Variants in MACROD2 observed in about 807,000 individuals in gnomAD.
MACROD2 encodes the protein mono-ADP ribosylhydrolase 2.
Under a neutral mutation model 70.4 loss-of-function variants are expected in MACROD2, and 36 were observed. That is an observed-to-expected ratio of 0.51 (90% CI 0.39 to 0.68). MACROD2 has a LOEUF of 0.68. Ranked by LOEUF, MACROD2 falls within the 30% of genes least tolerant of loss-of-function variation. The pLI is 0.00. For missense variants in MACROD2, 496 were observed against 538.4 expected (o/e 0.92, Z 0.78); for synonymous variants, 172 against 178.8 (o/e 0.96, Z 0.30).
intron 3 of MACROD2, among the ~76,000 whole-genome samples, chr20:14,290,740 C>T (rs2082379677): frequency 6.6e-6 from 1 of 152,218 alleles, no homozygotes; most frequent in Non-Finnish European, 1.5e-5. Flanking sequence ...AACTCCCGAC[C>T]TCAGTTGATC....
At chr20:14,416,575 T>C (rs2122881159) in intron 3 of MACROD2, among the ~76,000 whole-genome samples, 1 of 152,306 alleles carries the variant, frequency 6.6e-6, no homozygotes, top group East Asian at 1.9e-4. Context: ...GTCTCTTTGT[T>C]TAAACAGAAA....
chr20:15,177,629 A>C (rs1054737871), intron 5 of MACROD2, among the ~76,000 whole-genome samples: 2 of 152,176 alleles, frequency 1.3e-5, no homozygotes, highest in African/African-American at 2.4e-5. Context: ...TTCTATGTTG[A>C]GGGTTTCACT....
chr20:14,315,572 A>C (rs1460165225), intron 3 of MACROD2, among the ~76,000 whole-genome samples: 1 of 152,192 alleles, frequency 6.6e-6, no homozygotes, highest in Non-Finnish European at 1.5e-5. Context: ...CATAAGCAAA[A>C]TATTAAATAT....
intron 8 of MACROD2, among the ~76,000 whole-genome samples, chr20:15,702,661 T>A (rs2050477022): frequency 6.6e-6 from 1 of 152,244 alleles, no homozygotes; most frequent in South Asian, 2.1e-4. Flanking sequence ...GTCAAGAGGC[T>A]TTTTAGTTTA....
intron 3 of MACROD2, among the ~76,000 whole-genome samples, chr20:14,277,054 G>A (rs902890982): frequency 3.9e-5 from 6 of 152,052 alleles, no homozygotes; most frequent in African/African-American, 7.2e-5. Context: ...GGTAGCTCAC[G>A]CCTGTAGTGC....
chr20:14,369,513 C>T (rs762911438), intron 3 of MACROD2, among the ~76,000 whole-genome samples: 2 of 151,974 alleles, frequency 1.3e-5, no homozygotes, highest in Non-Finnish European at 2.9e-5. Context: ...TGCTATCAAC[C>T]TGCCTATTTT....
intron 3 of MACROD2, among the ~76,000 whole-genome samples, chr20:14,148,960 CTT>C (rs2054977643): frequency 6.6e-6 from 1 of 152,102 alleles, no homozygotes; most frequent in South Asian, 2.1e-4. Flanking sequence ...ACATAGCACA[CTT>C]TTCTGCTGTT....
chr20:14,282,879 C>T (rs2082317346), intron 3 of MACROD2, among the ~76,000 whole-genome samples: 1 of 152,198 alleles, frequency 6.6e-6, no homozygotes, highest in South Asian at 2.1e-4. Context: ...CCAAACACTT[C>T]CCACTAGGCC....
chr20:14,616,510 C>T (rs1278191533), intron 4 of MACROD2, among the ~76,000 whole-genome samples: 1 of 152,040 alleles, frequency 6.6e-6, no homozygotes, highest in African/African-American at 2.4e-5. Context: ...TTCTGAGCCC[C>T]TGGAAATGAT....
At chr20:14,933,637 TA>T (rs11481730) in intron 5 of MACROD2, among the ~76,000 whole-genome samples, 12 of 147,680 alleles carry the variant, frequency 8.1e-5, no homozygotes, top group Non-Finnish European at 9.0e-5. Context: ...CTCAAAAAAA[TA>T]AAAAAAAAAA....
intron 5 of MACROD2, among the ~76,000 whole-genome samples, chr20:14,807,045 G>A (rs1467653706): frequency 6.6e-6 from 1 of 152,126 alleles, no homozygotes; most frequent in African/African-American, 2.4e-5. Flanking sequence ...CTTCCTGCCT[G>A]CTCTGAAGAG....
chr20:15,596,054 C>T (rs1568918465), intron 8 of MACROD2, among the ~76,000 whole-genome samples: 1 of 152,196 alleles, frequency 6.6e-6, no homozygotes. Context: ...AGATGTCATA[C>T]ATAGGAAGCT....
At chr20:15,843,614 A>G (rs938800362) in intron 8 of MACROD2, among the ~76,000 whole-genome samples, 2 of 152,178 alleles carry the variant, frequency 1.3e-5, no homozygotes, top group Non-Finnish European at 2.9e-5. Context: ...TATTTAGGAT[A>G]ATTTCTGAAG....
intron 5 of MACROD2, among the ~76,000 whole-genome samples, chr20:14,740,016 T>C (rs1428251166): frequency 2.0e-5 from 3 of 152,070 alleles, no homozygotes; most frequent in Admixed American, 2.0e-4. Flanking sequence ...GAGAAAGAAC[T>C]GGAAGGATAT....
intron 5 of MACROD2, among the ~76,000 whole-genome samples, chr20:15,190,853 A>G (rs1487500459): frequency 6.6e-6 from 1 of 152,112 alleles, no homozygotes. Flanking sequence ...TGGGATAATT[A>G]TGGGAAAGAA....
chr20:16,038,599 A>G (rs932441349), intron 15 of MACROD2, among the ~76,000 whole-genome samples: 12 of 151,272 alleles, frequency 7.9e-5, no homozygotes, highest in African/African-American at 2.9e-4. Context: ...CTGATAAACT[A>G]CTTTGCCGTA....
intron 8 of MACROD2, among the ~76,000 whole-genome samples, chr20:15,799,244 C>T (rs1164396144): frequency 6.6e-6 from 1 of 152,168 alleles, no homozygotes; most frequent in Non-Finnish European, 1.5e-5. Context: ...GATACCTGCA[C>T]ACAATGTGTA....
chr20:14,321,505 G>C (rs1345757742), intron 3 of MACROD2, among the ~76,000 whole-genome samples: 9 of 152,186 alleles, frequency 5.9e-5, no homozygotes. Context: ...AAAGTACGGT[G>C]TTTGTAATTC....
intron 6 of MACROD2, among the ~76,000 whole-genome samples, chr20:15,277,406 C>T (rs1394629850): frequency 6.6e-6 from 1 of 152,106 alleles, no homozygotes; most frequent in Admixed American, 6.5e-5. Context: ...GAGGTTTTAA[C>T]CTTGAATAAT....
Sources: allele counts gnomAD v4.1 joint callset (sites outside exome capture counted in the v4.1 genomes callset), GRCh38; gene constraint gnomAD v4.1.1; transcripts MANE v1.5; gene names NCBI Gene and HGNC (gene_info 2026-07-23, HGNC 2026-07-21).